Variants in NCAM1 observed in about 807,000 individuals in gnomAD.
NCAM1 encodes neural cell adhesion molecule 1, also known as antigen recognized by monoclonal antibody 5.1H11.
Under a neutral mutation model 109.8 loss-of-function variants are expected in NCAM1, and 14 were observed. That is an observed-to-expected ratio of 0.13 (90% CI 0.08 to 0.20). The LOEUF (loss-of-function observed/expected upper bound fraction) is 0.20, where lower values mean the gene tolerates loss of function less well. Among genes scored for constraint, NCAM1 ranks in the 10% least tolerant of loss-of-function variants. The pLI is 1.00. For missense variants in NCAM1, 774 were observed against 1,109.9 expected (o/e 0.70, Z 4.30); for synonymous variants, 418 against 442.9 (o/e 0.94, Z 0.70).
At chr11:112,982,648 G>C (rs1166779936) in intron 1 of NCAM1, among the ~76,000 whole-genome samples, 1 of 151,870 alleles carries the variant, frequency 6.6e-6, no homozygotes, top group Non-Finnish European at 1.5e-5. Context: ...AGGGAAGATT[G>C]ATGAACTTAG....
chr11:113,110,550 C>G (rs899570301), intron 1 of NCAM1, among the ~76,000 whole-genome samples: 4 of 152,032 alleles, frequency 2.6e-5, no homozygotes, highest in African/African-American at 9.7e-5. Flanking sequence ...TAGACAAATA[C>G]AAATGTATAT....
intron 17 of NCAM1, 138 bp from the exon 18 acceptor site, chr11:113,270,050 C>T: frequency 1.3e-6 from 1 of 788,268 alleles, no homozygotes; most frequent in East Asian, 2.4e-5. Context: ...AGAAGGTCCC[C>T]AGGAAGGTGT....
At chr11:113,214,642 G>A in intron 8 of NCAM1, 131 bp downstream of exon 8, 1 of 1,031,046 alleles carries the variant, frequency 9.7e-7, no homozygotes. Flanking sequence ...CCAGATCCCG[G>A]GGCCTCCCTC....
chr11:113,033,934 G>A (rs150830069), intron 1 of NCAM1, among the ~76,000 whole-genome samples: 26 of 152,262 alleles, frequency 1.7e-4, no homozygotes, highest in Middle Eastern at 3.4e-3. Context: ...ATCCGTAAGA[G>A]AGAGAAAACT....
chr11:113,194,702 C>T (rs1026059494), intron 1 of NCAM1, among the ~76,000 whole-genome samples: 6 of 152,180 alleles, frequency 3.9e-5, no homozygotes, highest in South Asian at 4.1e-4. Context: ...TCTGCTTTCA[C>T]GCCTCTGCTA....
chr11:113,265,144 G>C (rs654362), intron 17 of NCAM1: 121,100 of 984,640 alleles, frequency 0.12, 8,148 homozygotes, highest in African/African-American at 0.25. Flanking sequence ...ATCAGTGAGG[G>C]CTTTATGAAG....
chr11:112,979,552 A>G (rs575460426), intron 1 of NCAM1, among the ~76,000 whole-genome samples: 1 of 151,764 alleles, frequency 6.6e-6, no homozygotes, highest in African/African-American at 2.4e-5. Context: ...ACTTCCGGTG[A>G]CTCTTTTGCA....
intron 1 of NCAM1, among the ~76,000 whole-genome samples, chr11:113,094,476 C>G (rs994314860): frequency 1.1e-4 from 16 of 152,146 alleles, no homozygotes; most frequent in Admixed American, 1.0e-3. Context: ...TGTCATAGAA[C>G]AGAGAAGTTT....
chr11:113,207,839 G>C lies in NCAM1; in HGVS notation c.753G>C (p.Gly251=), dbSNP rs782684427. ...PEPTMSWTKD[G]EQIEQEEDDE... ...GCATTTCTACATGCTCTAGGGATGG[G>C]GAACAGATAGAGCAAGAGGAAGACG... Residue 251 remains glycine (G), a synonymous_variant, in exon 7 of 20, where the codon GGG becomes GGC. Coordinates refer to ENST00000316851, the MANE Select transcript of NCAM1 (RefSeq NM_181351.5). 2 of 1,609,742 alleles carry C rather than the reference G, an allele frequency of 1.2e-6. No individual in the cohort carries two copies. Among genetic ancestry groups the C allele is most frequent in the African/African-American group, 2.7e-5 (2 of 74,850 alleles).
Position 113,233,095 on chromosome 11 carries a change from G to A in NCAM1, c.1523-52G>A, listed in dbSNP as rs529865332. The A allele has an allele frequency of 1.3e-6, 2 of 1,553,892 alleles. No homozygotes were observed. The highest frequency in any genetic ancestry group is 2.2e-5 in the East Asian group (1 of 44,466). On this transcript the variant is annotated intron_variant, in intron 12 of 19. Transcript: ENST00000316851. This position sits in a 1 kb window ranked among gnomAD's most constrained non-coding sequence, Gnocchi z 4.5. ...TGTGCCTTGTGACTGAGAGTTAATG[G>A]TCTTGGGCCAAACTGGGCTCACCTG...
chr11:113,010,084 A>G (rs1362761399), intron 1 of NCAM1, among the ~76,000 whole-genome samples: 3 of 152,206 alleles, frequency 2.0e-5, no homozygotes, highest in Non-Finnish European at 4.4e-5. Context: ...AAAACCACCT[A>G]ATGAACCAAT....
intron 1 of NCAM1, among the ~76,000 whole-genome samples, chr11:113,022,386 T>C (rs1952414666): frequency 2.0e-5 from 3 of 152,216 alleles, no homozygotes; most frequent in Admixed American, 2.0e-4. Context: ...GGTAAATTCT[T>C]CTGAAATTGC....
At chr11:113,216,218 G>A (rs930367272) in intron 8 of NCAM1, among the ~76,000 whole-genome samples, 15 of 143,104 alleles carry the variant, frequency 1.0e-4, no homozygotes, top group African/African-American at 2.9e-4. Context: ...GCGCGATCTC[G>A]GCTCACTGCA....
At chr11:113,065,980 G>T (rs1937933463) in intron 1 of NCAM1, among the ~76,000 whole-genome samples, 1 of 152,176 alleles carries the variant, frequency 6.6e-6, no homozygotes, top group South Asian at 2.1e-4. Flanking sequence ...AAAAACTGAA[G>T]TTTATTAATG....
chr11:113,258,232 A>T (rs1945881253), intron 16 of NCAM1, among the ~76,000 whole-genome samples: 1 of 152,244 alleles, frequency 6.6e-6, no homozygotes, highest in African/African-American at 2.4e-5. Flanking sequence ...GATTGCAAAG[A>T]GATGGGCTGT....
Position 113,269,329 on chromosome 11 carries a change from G to A in NCAM1, c.2132-859G>A, listed in dbSNP as rs1330072060. Among the ~76,000 whole-genome samples, 71 of 152,184 alleles carry A rather than the reference G, an allele frequency of 4.7e-4. 1 individual carries two copies. Among genetic ancestry groups the A allele is most frequent in the Admixed American group, 4.6e-3 (71 of 15,286 alleles). ...GGCTGAGTCTTTCACAGTGAGTCCA[G>A]CCAGAACCAGGGTGCCAGGTGCTAG... On this transcript the variant is annotated intron_variant, in intron 17 of 19. Coordinates refer to ENST00000316851, the MANE Select transcript of NCAM1 (RefSeq NM_181351.5).
chr11:112,966,167 G>A (rs1002572754), intron 1 of NCAM1, among the ~76,000 whole-genome samples: 2 of 152,160 alleles, frequency 1.3e-5, no homozygotes, highest in Admixed American at 6.5e-5. Context: ...ATTACAGGGA[G>A]CATTTTACTG....
chr11:113,180,009 G>A (rs1342553275), intron 1 of NCAM1, among the ~76,000 whole-genome samples: 4 of 152,256 alleles, frequency 2.6e-5, no homozygotes, highest in African/African-American at 7.2e-5. Flanking sequence ...TTCCTAAGAT[G>A]GGCACACAGA....
At chr11:113,164,934 G>A (rs1484246005) in intron 1 of NCAM1, among the ~76,000 whole-genome samples, 1 of 152,132 alleles carries the variant, frequency 6.6e-6, no homozygotes, top group South Asian at 2.1e-4. Flanking sequence ...GGAGCCCACC[G>A]AAAGTCAACT....
Sources: allele counts gnomAD v4.1 joint callset (sites outside exome capture counted in the v4.1 genomes callset), GRCh38; gene constraint gnomAD v4.1.1; non-coding constraint Gnocchi (gnomAD v3.1); transcripts MANE v1.5; gene names NCBI Gene and HGNC (gene_info 2026-07-23, HGNC 2026-07-21).